The following CEP295 variants were observed in gnomAD, a reference collection of about 807,000 sequenced individuals.
The protein encoded by CEP295 is centrosomal protein of 295 kDa.
CEP295 carries 190 observed loss-of-function variants against 291.6 expected under a neutral mutation model. That is an observed-to-expected ratio of 0.65 (90% CI 0.58 to 0.73). CEP295 has a LOEUF of 0.73. Ranked by LOEUF, CEP295 falls within the 30% of genes least tolerant of loss-of-function variation. The probability of loss-of-function intolerance (pLI) is 0.00; values close to 1 mark genes in which losing one functional copy is unlikely to be tolerated. For synonymous variants in CEP295, 993 were observed against 1,038.8 expected, an observed-to-expected ratio of 0.96 and a Z score of 0.85; for missense variants, 2,863 against 2,949.4, an observed-to-expected ratio of 0.97 and a Z score of 0.68.
At chr11:93,695,980 T>C (rs1951825819) in intron 13 of CEP295, among the ~76,000 whole-genome samples, 1 of 152,138 alleles carries the variant, frequency 6.6e-6, no homozygotes, top group Admixed American at 6.6e-5. Flanking sequence ...AAAAAAATAA[T>C]AATAATAAAA....
At chr11:93,693,059 C>T (rs1236533605) in intron 12 of CEP295, among the ~76,000 whole-genome samples, 7 of 151,014 alleles carry the variant, frequency 4.6e-5, no homozygotes, top group Non-Finnish European at 7.4e-5. Context: ...GGGTGGATCA[C>T]GAGGTCAGGA....
At chr11:93,711,437 G>C (rs1952888860) in intron 18 of CEP295, among the ~76,000 whole-genome samples, 1 of 152,136 alleles carries the variant, frequency 6.6e-6, no homozygotes, top group South Asian at 2.1e-4. Context: ...CTGATTTCTA[G>C]TTTTATTCCA....
chr11:93,724,204 T>A, intron 21 of CEP295, 50 bp from the exon 22 acceptor site: 1 of 1,483,618 alleles, frequency 6.7e-7, no homozygotes, highest in South Asian at 1.3e-5. Context: ...AAAAATAAAT[T>A]TATGATTTTT....
At chr11:93,676,030 C>A (rs1343545680) in intron 6 of CEP295, among the ~76,000 whole-genome samples, 1 of 151,944 alleles carries the variant, frequency 6.6e-6, no homozygotes, top group Non-Finnish European at 1.5e-5. Context: ...TTAATAAATT[C>A]ATTATAACCT....
intron 12 of CEP295, among the ~76,000 whole-genome samples, chr11:93,695,075 A>G (rs898316442): frequency 6.6e-6 from 1 of 152,224 alleles, no homozygotes; most frequent in Non-Finnish European, 1.5e-5. Context: ...CTTAATGAGC[A>G]TGGTTAAGAA....
chr11:93,665,753 C>T (rs955249834), intron 1 of CEP295, among the ~76,000 whole-genome samples: 3 of 152,054 alleles, frequency 2.0e-5, no homozygotes, highest in East Asian at 1.9e-4. Context: ...TTGATACAGC[C>T]GAGCAAGTCA....
Position 93,698,815 on chromosome 11 carries a change from TTCG to T in CEP295, c.3905_3907del (p.Ser1302del). On this transcript the variant is annotated inframe_deletion, in exon 15 of 30. Transcript: ENST00000325212. ...CCCAGTTGGTACAGCTTTCATTTAC[TTCG>T]TTAGCTTCAGCTGAGTCTGGCACAA... 1.9e-6 allele frequency: 3 copies of T among 1,551,744 alleles called. No homozygotes were observed. The highest frequency in any genetic ancestry group is 2.6e-6 in the Non-Finnish European group (3 of 1,146,986).
Position 93,698,119 on chromosome 11 carries a change from T to C in CEP295, c.3207T>C (p.Asp1069=). ...LLQEQLTKQR[D]TLQARHEAQV... ...AAGAACAGTTGACTAAACAGAGGGA[T>C]ACTCTTCAGGCTAGGCATGAAGCTC... Residue 1069 remains aspartate, a synonymous_variant, in exon 15 of 30, where the codon GAT becomes GAC. Coordinates refer to ENST00000325212, the MANE Select transcript of CEP295 (RefSeq NM_033395.2). 1.3e-6 allele frequency: 2 copies of C among 1,552,208 alleles called. No individual in the cohort carries two copies. The highest frequency in any genetic ancestry group is 1.7e-6 in the Non-Finnish European group (2 of 1,147,100).
intron 15 of CEP295, among the ~76,000 whole-genome samples, chr11:93,701,778 A>G (rs1380806183): frequency 2.6e-5 from 4 of 151,162 alleles, no homozygotes; most frequent in African/African-American, 7.3e-5. Context: ...TAACTTTTGT[A>G]TTTTTTGTAG....
At position 93,666,668 on chromosome 11, in the gene CEP295, CT is replaced by C; in HGVS notation, c.-26-9del. The C allele has an allele frequency of 2.1e-6, 2 of 966,598 alleles. No homozygotes were observed. Among genetic ancestry groups the C allele is most frequent in the Non-Finnish European group, 1.5e-6 (1 of 649,248 alleles). The allele number at this position is 966,598 out of a possible 1,614,324, so 59.9% of individuals were successfully genotyped here. ...TTACATTATTTTTATAGACATTTTC[CT>C]TTTTGAATTCAGAACTGTCATACAT... On this transcript the variant is annotated splice_polypyrimidine_tract_variant and intron_variant, in intron 1 of 29. Coordinates refer to ENST00000325212, the MANE Select transcript of CEP295 (RefSeq NM_033395.2).
chr11:93,684,322 A>G (rs1190532148), intron 9 of CEP295, among the ~76,000 whole-genome samples, 194 bp downstream of exon 9: 1 of 152,210 alleles, frequency 6.6e-6, no homozygotes, highest in Non-Finnish European at 1.5e-5. Flanking sequence ...GTAGGAGGAA[A>G]GTTTATTCAG....
At chr11:93,675,482 TA>T in intron 5 of CEP295, 88 bp from the exon 6 acceptor site, 1 of 648,536 alleles carries the variant, frequency 1.5e-6, no homozygotes, top group Non-Finnish European at 2.5e-6. Flanking sequence ...GAGAACTCAT[TA>T]AAATACAAAA....
At chr11:93,681,653 A>G (rs949594563) in intron 7 of CEP295, among the ~76,000 whole-genome samples, 8 of 151,446 alleles carry the variant, frequency 5.3e-5, no homozygotes, top group Non-Finnish European at 1.0e-4. Flanking sequence ...TGACCTCATG[A>G]TCCGCCTGCC....
At chr11:93,721,790 C>T (rs777246832) in intron 19 of CEP295, 164 bp from the exon 20 acceptor site, 2 of 704,906 alleles carry the variant, frequency 2.8e-6, no homozygotes, top group Non-Finnish European at 5.2e-6. Flanking sequence ...AAAGCCTAAT[C>T]ATTTCTGGGC....
intron 22 of CEP295, among the ~76,000 whole-genome samples, chr11:93,724,886 T>C (rs561161173): frequency 1.3e-5 from 2 of 152,080 alleles, no homozygotes; most frequent in African/African-American, 2.4e-5. Flanking sequence ...TTTCTGGGAG[T>C]GCTCAGATAG....
chr11:93,684,125 G>C lies in CEP295; in HGVS notation c.1111G>C (p.Asp371His). ...TEAEICSSETDVPLVMKTQQI... is the reference protein window; with the variant it reads ...TEAEICSSETHVPLVMKTQQI... ...AGCTGAAATATGTTCTAGTGAAACAGATGGTAAAAACCCTTCTGAGCTAAA... is the reference window on the plus strand; with the variant it reads ...AGCTGAAATATGTTCTAGTGAAACACATGGTAAAAACCCTTCTGAGCTAAA... The change falls in exon 9 of 30, where the codon GAT becomes CAT. Residue 371 changes from aspartate to histidine, a missense_variant. Asp to His is a moderately conservative substitution (Grantham distance 81). Transcript: ENST00000325212. 3 of 1,550,438 alleles carry C rather than the reference G, an allele frequency of 1.9e-6. No individual in the cohort carries two copies. The South Asian group carries it at 3.6e-5, about 18-fold the overall frequency.
At chr11:93,720,794 A>G (rs1212126780) in intron 18 of CEP295, among the ~76,000 whole-genome samples, 1 of 152,082 alleles carries the variant, frequency 6.6e-6, no homozygotes, top group Non-Finnish European at 1.5e-5. Flanking sequence ...ATGAGGTTTC[A>G]CTGTGTTGCC....
At chr11:93,664,001 C>CT (rs1950103546) in intron 1 of CEP295, among the ~76,000 whole-genome samples, 1 of 152,156 alleles carries the variant, frequency 6.6e-6, no homozygotes, top group South Asian at 2.1e-4. Flanking sequence ...AGTAAGGTAA[C>CT]TTTATTTTTA....
At chr11:93,672,354 A>G (rs1483307239) in intron 5 of CEP295, among the ~76,000 whole-genome samples, 1 of 152,170 alleles carries the variant, frequency 6.6e-6, no homozygotes, top group East Asian at 1.9e-4. Context: ...AAGACTTCTC[A>G]TGTATCTATA....
Sources: gnomAD v4.1 joint callset for allele counts (sites outside exome capture counted in the v4.1 genomes callset) on GRCh38, gnomAD v4.1.1 for gene constraint, MANE v1.5 for transcripts, NCBI Gene and HGNC (gene_info 2026-07-23, HGNC 2026-07-21) for gene names.